TSPEAR: variants seen among roughly 807,000 people sequenced by gnomAD.
The protein encoded by TSPEAR is thrombospondin-type laminin G domain and EAR repeat-containing protein.
In TSPEAR, 69 loss-of-function variants were observed where a neutral mutation model predicts 71.6. The ratio of observed to expected loss-of-function variants is 0.96; its 90% CI spans 0.79 to 1.18. The LOEUF is 1.18. Among genes scored for constraint, TSPEAR ranks in the 50% most tolerant of loss-of-function variants. TSPEAR has a pLI of 0.00. For synonymous variants in TSPEAR, 402 were observed against 387.2 expected, an observed-to-expected ratio of 1.04 and a Z score of -0.45; for missense variants, 971 against 894.9, an observed-to-expected ratio of 1.09 and a Z score of -1.09.
At chr21:44,637,869 G>A (rs1299894584) in intron 1 of TSPEAR, 4 of 1,532,204 alleles carry the variant, frequency 2.6e-6, no homozygotes, top group Non-Finnish European at 3.6e-6. Flanking sequence ...GTGCCTGTCT[G>A]CTCTAAGTCC....
At chr21:44,505,050 AGTT>A (rs1443006418) in intron 10 of TSPEAR, among the ~76,000 whole-genome samples, 169 bp from the exon 11 acceptor site, 2 of 152,170 alleles carry the variant, frequency 1.3e-5, no homozygotes, top group Non-Finnish European at 2.9e-5. Flanking sequence ...AATGTAAATT[AGTT>A]GTTTGCTTAA....
rs1201395127 is a variant in TSPEAR at position 44,702,824 on chromosome 21, C to T, written c.82+8609G>A. The stretch of plus-strand genomic sequence containing the variant: ...TGACGGGCACGTCCCCCAGGGCCAG[C>T]CAGGCTCAGGTTCCCCCCAACCTCT... On this transcript the variant is annotated intron_variant, in intron 1 of 11. Coordinates refer to ENST00000323084, the MANE Select transcript of TSPEAR (RefSeq NM_144991.3). 6 of 1,101,830 alleles carry T rather than the reference C, an allele frequency of 5.4e-6. No homozygotes were observed. In the African/African-American group the frequency reaches 6.1e-5, roughly 11 times the overall value. The allele number at this position is 1,101,830 out of a possible 1,614,324, so 68.3% of individuals were successfully genotyped here. A position where few individuals can be genotyped will look rare whatever the true frequency, so the allele number is the denominator to read the frequency against.
intron 1 of TSPEAR, among the ~76,000 whole-genome samples, chr21:44,650,093 T>C (rs1485334251): frequency 1.3e-5 from 2 of 152,010 alleles, no homozygotes; most frequent in South Asian, 4.2e-4. Flanking sequence ...AACATGGTGG[T>C]GTGCACCTCT....
At chr21:44,532,346 C>A (rs1158422635) in intron 3 of TSPEAR, among the ~76,000 whole-genome samples, 1 of 152,334 alleles carries the variant, frequency 6.6e-6, no homozygotes, top group East Asian at 1.9e-4. Context: ...TGTGGCAAAG[C>A]CAGAAGTCAG....
intron 1 of TSPEAR, among the ~76,000 whole-genome samples, chr21:44,655,490 G>C (rs1985090520): frequency 1.3e-5 from 2 of 152,318 alleles, no homozygotes; most frequent in South Asian, 4.1e-4. Flanking sequence ...CTTCCCACGA[G>C]TAGCACTAAT....
chr21:44,637,501 G>A (rs116673061), intron 1 of TSPEAR: 2 of 1,612,694 alleles, frequency 1.2e-6, no homozygotes, highest in Non-Finnish European at 1.7e-6. Context: ...GCTGCTGCGA[G>A]CCCTGCTGCT....
intron 1 of TSPEAR, among the ~76,000 whole-genome samples, chr21:44,671,827 A>G (rs782761998): frequency 4.6e-5 from 7 of 152,238 alleles, no homozygotes; most frequent in Admixed American, 1.3e-4. Context: ...AAAGGGACAC[A>G]AGAATTGTGC....
chr21:44,651,134 G>T (rs1309271719), intron 1 of TSPEAR, among the ~76,000 whole-genome samples: 2 of 152,146 alleles, frequency 1.3e-5, no homozygotes, highest in Non-Finnish European at 2.9e-5. Context: ...CAGGGAAAAA[G>T]CTCCCACAAT....
Position 44,511,246 on chromosome 21 carries a change from A to G in TSPEAR, c.1567-1860T>C, listed in dbSNP as rs2052365333. On this transcript the variant is annotated intron_variant, in intron 9 of 11. Transcript: ENST00000323084. ...TGCACACACCTGCACACACAGGCCCATACCTGCACACCTGCATGTATGCAT... is the reference window on the plus strand; with the variant it reads ...TGCACACACCTGCACACACAGGCCCGTACCTGCACACCTGCATGTATGCAT... Among the ~76,000 whole-genome samples, 4 of 152,204 alleles carry G rather than the reference A, an allele frequency of 2.6e-5. No homozygotes were observed. In the South Asian group the frequency reaches 8.3e-4, roughly 31 times the overall value.
chr21:44,711,443 C>T lies in TSPEAR; in HGVS notation c.72G>A (p.Glu24=), dbSNP rs541177837. 4.9e-4 allele frequency: 779 copies of T among 1,605,994 alleles called. 6 individuals are homozygous for T. In the South Asian group the frequency reaches 8.1e-3, roughly 17 times the overall value. ...ATGCCCCTGCCTTACCTGTGCAGGG[C>T]TCCCAACCCTGCGTGCCGTGGCCGG... ...AAPGHGTQGW[E]PCTDLRPLDI... Residue 24 remains glutamate (E), a synonymous_variant, in exon 1 of 12, where the codon GAG becomes GAA. Coordinates refer to ENST00000323084, the MANE Select transcript of TSPEAR (RefSeq NM_144991.3). This position sits in a 1 kb window ranked among gnomAD's most constrained non-coding sequence, Gnocchi z 4.5.
At chr21:44,585,212 A>G (rs1979261611) in intron 1 of TSPEAR, among the ~76,000 whole-genome samples, 1 of 152,186 alleles carries the variant, frequency 6.6e-6, no homozygotes, top group African/African-American at 2.4e-5. Context: ...GACACCTGCC[A>G]CAGCAGAGTC....
chr21:44,656,801 T>C (rs1555942640), intron 1 of TSPEAR, among the ~76,000 whole-genome samples: 1 of 152,214 alleles, frequency 6.6e-6, no homozygotes, highest in Admixed American at 6.5e-5. Flanking sequence ...TTCAAACTAC[T>C]AGTATGTTAG....
chr21:44,616,145 T>G (rs1305764262), intron 1 of TSPEAR, among the ~76,000 whole-genome samples: 2 of 152,150 alleles, frequency 1.3e-5, no homozygotes, highest in African/African-American at 4.8e-5. Flanking sequence ...ACTGCACACA[T>G]GCTTAGGCTC....
chr21:44,635,246 T>G (rs963375371), intron 1 of TSPEAR, among the ~76,000 whole-genome samples: 13 of 146,780 alleles, frequency 8.9e-5, no homozygotes, highest in African/African-American at 3.3e-4. Flanking sequence ...CTTGGGAGGC[T>G]GAGGCAGGAG....
chr21:44,616,567 CCTT>C (rs1302102569), intron 1 of TSPEAR, among the ~76,000 whole-genome samples: 1 of 152,236 alleles, frequency 6.6e-6, no homozygotes, highest in Non-Finnish European at 1.5e-5. Context: ...TTCACAGCCT[CCTT>C]CTCCACCTCC....
rs2052520384 is a variant in TSPEAR at position 44,515,083 on chromosome 21, T to A, written c.1567-5697A>T. Reference sequence around the variant, plus strand: ...GCGCCTCTCTATGGCACACACCCACTTTCAAAGCATCTCGGCTTCACCCGC... The same window carrying A: ...GCGCCTCTCTATGGCACACACCCACATTCAAAGCATCTCGGCTTCACCCGC... On this transcript the variant is annotated intron_variant, in intron 9 of 11. Coordinates refer to ENST00000323084, the MANE Select transcript of TSPEAR (RefSeq NM_144991.3). Among the ~76,000 whole-genome samples, 4 of 152,196 alleles carry A rather than the reference T, an allele frequency of 2.6e-5. 1 individual carries two copies. In the South Asian group the frequency reaches 8.3e-4, roughly 32 times the overall value.
At chr21:44,561,508 A>G (rs2053632178) in intron 2 of TSPEAR, among the ~76,000 whole-genome samples, 1 of 152,194 alleles carries the variant, frequency 6.6e-6, no homozygotes, top group South Asian at 2.1e-4. Context: ...CTGATACCAA[A>G]ACCTGGCAGA....
intron 9 of TSPEAR, among the ~76,000 whole-genome samples, chr21:44,512,307 G>A (rs781909001): frequency 6.8e-6 from 1 of 146,610 alleles, no homozygotes; most frequent in Non-Finnish European, 1.5e-5. Flanking sequence ...AGCTAGGAAG[G>A]TGTCAGGAGA....
chr21:44,611,351 T>C (rs1981657223), intron 1 of TSPEAR, among the ~76,000 whole-genome samples: 1 of 152,132 alleles, frequency 6.6e-6, no homozygotes, highest in Non-Finnish European at 1.5e-5. Flanking sequence ...TGAATAAGTC[T>C]CACAAGATCT....
Sources: gnomAD v4.1 joint callset for allele counts (sites outside exome capture counted in the v4.1 genomes callset) on GRCh38, gnomAD v4.1.1 for gene constraint, Gnocchi (gnomAD v3.1) non-coding constraint, MANE v1.5 for transcripts, NCBI Gene and HGNC (gene_info 2026-07-23, HGNC 2026-07-21) for gene names.